Variants in STK32C observed in about 807,000 individuals in gnomAD.
The protein encoded by STK32C is serine/threonine kinase 32C, also known as serine/threonine-protein kinase 32C.
A neutral mutation model predicts 56.5 loss-of-function variants in STK32C; 31 were observed. That is an observed-to-expected ratio of 0.55 (90% confidence interval 0.41 to 0.74). The LOEUF is 0.74. STK32C is among the 30% of genes least tolerant of loss of function. STK32C has a pLI of 0.00. For missense variants in STK32C, 544 were observed against 676.9 expected (o/e 0.80, Z 2.18); for synonymous variants, 309 against 289.4 (o/e 1.07, Z -0.69).
At chr10:132,245,304 G>T (rs545997345) in intron 2 of STK32C, among the ~76,000 whole-genome samples, 1 of 152,194 alleles carries the variant, frequency 6.6e-6, no homozygotes, top group Non-Finnish European at 1.5e-5. Flanking sequence ...CGCAGAAGCC[G>T]GAGGGCTAAT....
intron 3 of STK32C, among the ~76,000 whole-genome samples, chr10:132,227,567 T>A (rs1328031005): frequency 6.6e-6 from 1 of 151,602 alleles, no homozygotes; most frequent in African/African-American, 2.4e-5. Context: ...ATGACGGTGA[T>A]GAGAGTGATG....
In STK32C at chr10:132,307,585, G is replaced by A. The variant is rs2138411060; in HGVS notation, c.249C>T (p.Asp83=). ...GCCCGCACTCACCGTCCTCCTTGTCGTCAAACACCGGCCTCCGCGCGGTGG... is the reference window on the plus strand; with the variant it reads ...GCCCGCACTCACCGTCCTCCTTGTCATCAAACACCGGCCTCCGCGCGGTGG... ...SAATARRPVF[D]DKEDVNFDHF... Residue 83 remains aspartate (D), a synonymous_variant, in exon 1 of 12, where the codon GAC becomes GAT. Transcript: ENST00000298630. This position sits in a 1 kb window ranked among gnomAD's most constrained non-coding sequence, Gnocchi z 4.4. The A allele has an allele frequency of 1.3e-6, 2 of 1,533,474 alleles. No homozygotes were observed. Among genetic ancestry groups the A allele is most frequent in the East Asian group, 5.6e-5 (2 of 35,820 alleles). 95.0% of individuals were successfully genotyped at this position (1,533,474 alleles called of 1,614,324 possible). A position where few individuals can be genotyped will look rare whatever the true frequency, so the allele number is the denominator to read the frequency against.
chr10:132,322,225 G>T (rs1446286434), downstream of STK32C, among the ~76,000 whole-genome samples: 2 of 152,068 alleles, frequency 1.3e-5, no homozygotes, highest in Non-Finnish European at 2.9e-5. Flanking sequence ...TGAGCTATTG[G>T]TTTATATCTT....
At chr10:132,269,785 A>ACTCCAGCGGCACAGTGGGGG (rs1182903779) in intron 1 of STK32C, among the ~76,000 whole-genome samples, 4 of 151,964 alleles carry the variant, frequency 2.6e-5, no homozygotes, top group African/African-American at 9.7e-5. Flanking sequence ...GGGAGCGCTG[A>ACTCCAGCGGCACAGTGGGGG]CTCCAGCGGC....
intron 1 of STK32C, among the ~76,000 whole-genome samples, chr10:132,289,840 C>T (rs2065512751): frequency 6.6e-6 from 1 of 152,154 alleles, no homozygotes; most frequent in Non-Finnish European, 1.5e-5. Context: ...GAGGGTGGAT[C>T]TCAACATATG....
chr10:132,248,630 C>A (rs1472888082), intron 1 of STK32C, among the ~76,000 whole-genome samples: 1 of 152,244 alleles, frequency 6.6e-6, no homozygotes, highest in South Asian at 2.1e-4. Flanking sequence ...GAGCTGAGGA[C>A]GAGGGTGGTG....
intron 1 of STK32C, among the ~76,000 whole-genome samples, chr10:132,283,411 GC>G (rs1564775915): frequency 1.3e-5 from 2 of 152,332 alleles, no homozygotes; most frequent in East Asian, 1.9e-4. Flanking sequence ...CGGCAGCCAC[GC>G]CCCCCTCACC....
chr10:132,307,488 A>T lies in STK32C; in HGVS notation c.262+84T>A. On this transcript the variant is annotated intron_variant, in intron 1 of 11. Transcript: ENST00000298630. This position sits in a 1 kb window ranked among gnomAD's most constrained non-coding sequence, Gnocchi z 4.4. ...GGGAAGCCGTCCCGGACACCGGGGG[A>T]ACCCCTGCGGGAAAAAGCCGCCCAG... The T allele has an allele frequency of 7.1e-7, 1 of 1,409,720 alleles. No homozygotes were observed. The highest frequency in any genetic ancestry group is 9.4e-7 in the Non-Finnish European group (1 of 1,069,050). 87.3% of individuals were successfully genotyped at this position (1,409,720 alleles called of 1,614,324 possible).
chr10:132,285,406 A>G (rs1235668384), intron 1 of STK32C, among the ~76,000 whole-genome samples: 1 of 152,258 alleles, frequency 6.6e-6, no homozygotes, highest in Non-Finnish European at 1.5e-5. Flanking sequence ...CCAATTAAAG[A>G]GCAGATATTT....
At position 132,297,483 on chromosome 10, in the gene STK32C, G is replaced by A. The variant is rs1228664795; in HGVS notation, c.262+10089C>T. Among the ~76,000 whole-genome samples the A allele has an allele frequency of 2.0e-5, 3 of 152,206 alleles. No individual in the cohort carries two copies. The South Asian group carries it at 6.2e-4, about 32-fold the overall frequency. On this transcript the variant is annotated intron_variant, in intron 1 of 11. Coordinates refer to ENST00000298630, the MANE Select transcript of STK32C (RefSeq NM_173575.4). The stretch of plus-strand genomic sequence containing the variant: ...CACGCACTCTGGGGCTGGGGTCCCA[G>A]GGTCCAATGCTTTCTTCAGAACAGA...
chr10:132,294,059 C>T (rs887781245), intron 1 of STK32C, among the ~76,000 whole-genome samples: 5 of 152,146 alleles, frequency 3.3e-5, no homozygotes, highest in Admixed American at 2.6e-4. Context: ...GTGGCAATGT[C>T]GAGTCGGAGG....
intron 1 of STK32C, among the ~76,000 whole-genome samples, chr10:132,253,444 G>C (rs1051559724): frequency 6.6e-6 from 1 of 150,798 alleles, no homozygotes; most frequent in African/African-American, 2.4e-5. Context: ...GGGAGCTGGA[G>C]GGAGTCGAGG....
chr10:132,315,250 A>C (rs1485644721), intron 1 of STK32C, among the ~76,000 whole-genome samples: 1 of 152,198 alleles, frequency 6.6e-6, no homozygotes, highest in African/African-American at 2.4e-5. Flanking sequence ...TCTCATTCAT[A>C]AGTGGAAGCT....
chr10:132,319,891 G>C (rs1307858626), downstream of STK32C, among the ~76,000 whole-genome samples: 2 of 151,540 alleles, frequency 1.3e-5, no homozygotes, highest in Non-Finnish European at 2.9e-5. Context: ...ACCTTAGATG[G>C]ATTTTTTTTT....
chr10:132,222,117 C>T (rs542112524), intron 10 of STK32C, among the ~76,000 whole-genome samples: 6 of 105,670 alleles, frequency 5.7e-5, no homozygotes, highest in East Asian at 2.9e-4. Flanking sequence ...CACACACACA[C>T]CTGATGCTGA....
intron 1 of STK32C, among the ~76,000 whole-genome samples, chr10:132,327,678 T>C (rs1392693372): frequency 6.6e-6 from 1 of 152,098 alleles, no homozygotes; most frequent in Non-Finnish European, 1.5e-5. Context: ...GGTTTCGCCA[T>C]GTTGGTCAGG....
chr10:132,241,830 C>T (rs899277507), intron 2 of STK32C, among the ~76,000 whole-genome samples: 11 of 152,112 alleles, frequency 7.2e-5, no homozygotes, highest in Non-Finnish European at 1.3e-4. Context: ...ATTCCAGCCA[C>T]GAGCAGCGGC....
intron 1 of STK32C, among the ~76,000 whole-genome samples, chr10:132,248,011 C>A (rs571779348): frequency 2.4e-4 from 37 of 152,290 alleles, no homozygotes; most frequent in South Asian, 8.3e-4. Flanking sequence ...ACAGCCTCCA[C>A]GAGCCCCCGT....
At chr10:132,218,862 T>C (rs147380422) in intron 10 of STK32C, among the ~76,000 whole-genome samples, 102 of 152,340 alleles carry the variant, frequency 6.7e-4, no homozygotes, top group Non-Finnish European at 1.1e-3. Context: ...GGAATATTAC[T>C]CAGCCATCAA....
Sources: allele counts gnomAD v4.1 joint callset (sites outside exome capture counted in the v4.1 genomes callset), GRCh38; gene constraint gnomAD v4.1.1; non-coding constraint Gnocchi (gnomAD v3.1); transcripts MANE v1.5; gene names NCBI Gene and HGNC (gene_info 2026-07-23, HGNC 2026-07-21).